Variants in RBFOX1 observed in about 807,000 individuals in gnomAD.
RBFOX1 encodes the protein RNA binding fox-1 homolog 1.
In RBFOX1, 8 loss-of-function variants were observed where a neutral mutation model predicts 57.7. The observed-to-expected ratio is 0.14, with a 90% confidence interval of 0.08 to 0.25. The LOEUF (loss-of-function observed/expected upper bound fraction) is 0.25. Among genes scored for constraint, RBFOX1 ranks in the 10% least tolerant of loss-of-function variants. The pLI is 1.00. For missense variants in RBFOX1, 611 were observed against 548.5 expected (o/e 1.11, Z -1.14); for synonymous variants, 326 against 222.4 (o/e 1.47, Z -4.15).
intron 2 of RBFOX1, among the ~76,000 whole-genome samples, chr16:5,559,768 C>A (rs2045824365): frequency 1.3e-5 from 2 of 152,202 alleles, no homozygotes; most frequent in Non-Finnish European, 2.9e-5. Flanking sequence ...AACCACTCCC[C>A]TCATCTTGCT....
chr16:5,395,489 G>A (rs189746283), intron 1 of RBFOX1, among the ~76,000 whole-genome samples: 9 of 152,196 alleles, frequency 5.9e-5, no homozygotes, highest in Non-Finnish European at 1.2e-4. Context: ...GTCCTCCACT[G>A]TGGCTTGGCT....
intron 3 of RBFOX1, among the ~76,000 whole-genome samples, chr16:5,659,614 T>G (rs886999401): frequency 6.6e-6 from 1 of 152,156 alleles, no homozygotes; most frequent in Non-Finnish European, 1.5e-5. Context: ...CGGTATATCT[T>G]TTTTTGAAAA....
chr16:5,646,170 C>T (rs1439773985), intron 3 of RBFOX1, among the ~76,000 whole-genome samples: 1 of 147,500 alleles, frequency 6.8e-6, no homozygotes, highest in African/African-American at 2.5e-5. Context: ...GCTGGGATTA[C>T]AGGCACGTGC....
intron 3 of RBFOX1, among the ~76,000 whole-genome samples, chr16:6,832,662 C>A (rs994057252): frequency 6.6e-6 from 1 of 152,120 alleles, no homozygotes; most frequent in Non-Finnish European, 1.5e-5. Context: ...CTGTGCACTT[C>A]AGTAATTACT....
Position 7,518,270 on chromosome 16 carries a change from G to A in RBFOX1, c.151G>A (p.Glu51Lys), listed in dbSNP as rs778034989. Residue 51 changes from glutamate (E) to lysine (K), a missense_variant, in exon 5 of 16, where the codon GAG becomes AAG. Glu to Lys is a moderately conservative substitution (Grantham distance 56, BLOSUM62 1). This residue lies in a region of RBFOX1 where 245 missense variants were observed against 159.1 expected (regional missense o/e 1.54). Coordinates refer to ENST00000550418, the MANE Select transcript of RBFOX1 (RefSeq NM_018723.4). ...YTAPHPHPAP[E>K]YTGQTTVPEH... is the part of the protein sequence containing the mutation. Reference sequence around the variant, plus strand: ...GGCCCCTCATCCCCACCCCGCGCCAGAGTACACAGGCCAGACCACGGTTCC... The same window carrying A: ...GGCCCCTCATCCCCACCCCGCGCCAAAGTACACAGGCCAGACCACGGTTCC... 7.2e-5 allele frequency: 117 copies of A among 1,613,988 alleles called. No individual in the cohort carries two copies. Among genetic ancestry groups the A allele is most frequent in the Non-Finnish European group, 9.5e-5 (112 of 1,180,012 alleles).
Position 6,383,504 on chromosome 16 carries a change from G to A in RBFOX1, c.-64+66447G>A, listed in dbSNP as rs569808079. Among the ~76,000 whole-genome samples the A allele has an allele frequency of 2.0e-5, 3 of 152,308 alleles. No homozygotes were observed. The South Asian group carries it at 6.2e-4, about 32-fold the overall frequency. ...GAAAAACAGCACAGGGCTGGACACA[G>A]TGGCTCATGCCTGTAATGCCAGTAT... On this transcript the variant is annotated intron_variant, in intron 2 of 15. Transcript: ENST00000550418.
At chr16:7,062,339 G>A (rs72778014) in intron 4 of RBFOX1, among the ~76,000 whole-genome samples, 1,547 of 112,876 alleles carry the variant, frequency 0.014, 6 homozygotes, top group Middle Eastern at 0.032. Context: ...AAAAAAAAAA[G>A]AAAAGAAAAA....
chr16:6,915,615 A>G lies in RBFOX1; in HGVS notation c.-15-136442A>G, dbSNP rs1039669384. Among the ~76,000 whole-genome samples the G allele has an allele frequency of 3.6e-4, 51 of 142,470 alleles. 1 individual carries two copies. Among genetic ancestry groups the G allele is most frequent in the Non-Finnish European group, 1.6e-4 (11 of 66,920 alleles). 93.5% of individuals were successfully genotyped at this position (142,470 alleles called of 152,430 possible). On this transcript the variant is annotated intron_variant, in intron 3 of 15. Coordinates refer to ENST00000550418, the MANE Select transcript of RBFOX1 (RefSeq NM_018723.4). ...ACCCAGGCTGGAGTGCAGTGCCATG[A>G]TCTCAGGTCACTGCAACCTCTGCCT...
intron 1 of RBFOX1, among the ~76,000 whole-genome samples, chr16:5,442,137 A>C (rs2151541895): frequency 6.6e-6 from 1 of 152,368 alleles, no homozygotes. Context: ...TTGGAAGCTC[A>C]GACCAAGAAA....
At chr16:5,518,911 G>A (rs911729099) in intron 2 of RBFOX1, among the ~76,000 whole-genome samples, 4 of 152,138 alleles carry the variant, frequency 2.6e-5, no homozygotes, top group Admixed American at 2.0e-4. Context: ...AACCCCTGGG[G>A]GCATCAGAAT....
intron 4 of RBFOX1, among the ~76,000 whole-genome samples, chr16:7,167,655 A>G (rs996787373): frequency 6.6e-6 from 1 of 152,228 alleles, no homozygotes; most frequent in Non-Finnish European, 1.5e-5. Flanking sequence ...CTGCAGCCCT[A>G]GGAAACTAAT....
At chr16:7,471,863 G>GT (rs1468396233) in intron 4 of RBFOX1, among the ~76,000 whole-genome samples, 2 of 152,186 alleles carry the variant, frequency 1.3e-5, no homozygotes, top group African/African-American at 4.8e-5. Context: ...CTGGGAAGAG[G>GT]TGTCACTAGT....
intron 1 of RBFOX1, among the ~76,000 whole-genome samples, chr16:5,302,731 A>G (rs2063834933): frequency 6.6e-6 from 1 of 152,204 alleles, no homozygotes; most frequent in African/African-American, 2.4e-5. Flanking sequence ...GTCTGATATT[A>G]TTCATGCCAA....
At chr16:6,213,100 T>C (rs2097309234) in intron 1 of RBFOX1, among the ~76,000 whole-genome samples, 1 of 152,218 alleles carries the variant, frequency 6.6e-6, no homozygotes, top group Non-Finnish European at 1.5e-5. Context: ...CATTTTGAAC[T>C]AAAACCTTCA....
At chr16:6,332,697 A>G (rs989511899) in intron 2 of RBFOX1, among the ~76,000 whole-genome samples, 1 of 152,222 alleles carries the variant, frequency 6.6e-6, no homozygotes, top group African/African-American at 2.4e-5. Flanking sequence ...GGTAGTGGAG[A>G]AAAATTCCCT....
chr16:5,980,303 C>T lies in RBFOX1; in HGVS notation c.351+112968C>T, dbSNP rs114562736. 3.0e-3 allele frequency among the ~76,000 whole-genome samples: 453 copies of T among 152,306 alleles called. 7 individuals are homozygous for T. The highest frequency in any genetic ancestry group is 0.01 in the African/African-American group (435 of 41,550). The stretch of plus-strand genomic sequence containing the variant: ...GATCTTGTGACTAGGCCACAGCTTG[C>T]AGAGAGAGCAGGGGGCGGCAGAACG... On this transcript the variant is annotated intron_variant, in intron 4 of 19. Transcript: ENST00000641259.
At chr16:5,392,526 TA>T (rs1176889886) in intron 1 of RBFOX1, among the ~76,000 whole-genome samples, 2 of 151,372 alleles carry the variant, frequency 1.3e-5, no homozygotes, top group African/African-American at 2.4e-5. Flanking sequence ...TATATATATA[TA>T]TATTTTTTTT....
chr16:7,570,318 C>T (rs943251072), intron 5 of RBFOX1, among the ~76,000 whole-genome samples: 1 of 152,040 alleles, frequency 6.6e-6, no homozygotes, highest in Non-Finnish European at 1.5e-5. Flanking sequence ...TTTTCATTTC[C>T]ATCAAATAGA....
intron 3 of RBFOX1, among the ~76,000 whole-genome samples, chr16:6,853,161 G>T (rs2094161107): frequency 6.6e-6 from 1 of 152,186 alleles, no homozygotes. Flanking sequence ...CTCTGAGCCT[G>T]AGTTTCCTCC....
Sources: allele counts gnomAD v4.1 joint callset (sites outside exome capture counted in the v4.1 genomes callset), GRCh38; gene constraint gnomAD v4.1.1; regional missense constraint gnomAD v4.1.1; transcripts MANE v1.5; gene names NCBI Gene and HGNC (gene_info 2026-07-23, HGNC 2026-07-21).